GNAL: variants seen among roughly 807,000 people sequenced by gnomAD.
The protein encoded by GNAL is guanine nucleotide-binding protein G(olf) subunit alpha.
GNAL carries 18 observed loss-of-function variants against 55.1 expected under a neutral mutation model. The ratio of observed to expected loss-of-function variants is 0.33; its 90% CI spans 0.23 to 0.48. The LOEUF (loss-of-function observed/expected upper bound fraction) is 0.48. Among genes scored for constraint, GNAL ranks in the 20% least tolerant of loss-of-function variants. The probability of loss-of-function intolerance (pLI) is 0.99; values close to 1 mark genes in which losing one functional copy is unlikely to be tolerated. For synonymous variants in GNAL, 253 were observed against 237.0 expected, an observed-to-expected ratio of 1.07 and a Z score of -0.62; for missense variants, 412 against 614.1, an observed-to-expected ratio of 0.67 and a Z score of 3.48.
chr18:11,857,549 T>G, intron 5 of GNAL: 1 of 985,414 alleles, frequency 1.0e-6, no homozygotes, highest in South Asian at 4.7e-5. Context: ...TGAGAAATGA[T>G]GGTTCAGGCA....
At position 11,884,115 on chromosome 18, in the gene GNAL, A is replaced by G. The variant is rs2036829616; in HGVS notation, c.*2980A>G. On this transcript the variant is annotated 3_prime_UTR_variant, in exon 12 of 12. Transcript: ENST00000334049. ...ATAATCCCAAGTGTGTGCTGGGGCCACCAGGCCCTTCCTGGGGGAACAAGG... is the reference window on the plus strand; with the variant it reads ...ATAATCCCAAGTGTGTGCTGGGGCCGCCAGGCCCTTCCTGGGGGAACAAGG... 4.0e-6 allele frequency: 1 copy of G among 248,058 alleles called. No homozygotes were observed. The highest frequency in any genetic ancestry group is 7.9e-6 in the Non-Finnish European group (1 of 125,792). 15.4% of individuals were successfully genotyped at this position (248,058 alleles called of 1,614,324 possible).
intron 9 of GNAL, among the ~76,000 whole-genome samples, chr18:11,869,873 C>A (rs1181666664): frequency 1.3e-5 from 2 of 152,230 alleles, no homozygotes; most frequent in Admixed American, 1.3e-4. Flanking sequence ...TGCATCACTG[C>A]ACGTCAGTCT....
intron 6 of GNAL, among the ~76,000 whole-genome samples, chr18:11,863,353 CA>C (rs2036190560): frequency 6.6e-6 from 1 of 152,166 alleles, no homozygotes; most frequent in Non-Finnish European, 1.5e-5. Flanking sequence ...CCACACTCTC[CA>C]AACTTCCCCC....
At chr18:11,849,124 T>C (rs914626342) in intron 5 of GNAL, among the ~76,000 whole-genome samples, 3 of 152,244 alleles carry the variant, frequency 2.0e-5, no homozygotes, top group African/African-American at 7.2e-5. Flanking sequence ...ACTTTATTAA[T>C]GTTAGTTGTC....
intron 5 of GNAL, among the ~76,000 whole-genome samples, chr18:11,849,968 G>A (rs2035820851): frequency 6.6e-6 from 1 of 152,198 alleles, no homozygotes; most frequent in Admixed American, 6.5e-5. Context: ...CCCCTTGCCA[G>A]GCAATGTGCC....
chr18:11,811,737 C>CA (rs1378377269), intron 4 of GNAL, among the ~76,000 whole-genome samples: 1 of 152,036 alleles, frequency 6.6e-6, no homozygotes, highest in Non-Finnish European at 1.5e-5. Flanking sequence ...CTTGTTCCCC[C>CA]AAAAAAGGAA....
rs141896561 is a variant in GNAL, at chr18:11,849,954, C to T, written c.723-12441C>T. ...CACTGTAACAGGTGACCTATACACA[C>T]AGACCCCTTGCCAGGCAATGTGCCC... On this transcript the variant is annotated intron_variant, in intron 5 of 11. Transcript: ENST00000334049. Among the ~76,000 whole-genome samples, 505 of 152,338 alleles carry T rather than the reference C, an allele frequency of 3.3e-3. 1 individual carries two copies. Among genetic ancestry groups the T allele is most frequent in the Middle Eastern group, 0.01 (3 of 294 alleles).
At chr18:11,698,319 C>T (rs1471480753) in intron 1 of GNAL, among the ~76,000 whole-genome samples, 2 of 151,840 alleles carry the variant, frequency 1.3e-5, no homozygotes, top group African/African-American at 4.8e-5. Context: ...GGTAAAACCT[C>T]GCCTCTACTA....
chr18:11,854,721 A>C (rs952630488), intron 5 of GNAL, among the ~76,000 whole-genome samples: 2 of 152,028 alleles, frequency 1.3e-5, no homozygotes, highest in African/African-American at 2.4e-5. Flanking sequence ...GCGGAGGTTG[A>C]GGTGAGCCAA....
chr18:11,712,093 T>G (rs1318214016), intron 1 of GNAL, among the ~76,000 whole-genome samples: 1 of 152,250 alleles, frequency 6.6e-6, no homozygotes, highest in African/African-American at 2.4e-5. Flanking sequence ...TTTGCACCTT[T>G]TCCCAATCAG....
Position 11,872,418 on chromosome 18 carries a change from T to C in GNAL, c.1162+20T>C. On this transcript the variant is annotated intron_variant, in intron 10 of 11. Transcript: ENST00000334049. ...AAGACGGTAAGATTTCAAAACACATTCTTATGATTGAGGAATAGAATTGTT... is the reference window on the plus strand; with the variant it reads ...AAGACGGTAAGATTTCAAAACACATCCTTATGATTGAGGAATAGAATTGTT... 1 of 1,475,428 alleles carries C rather than the reference T, an allele frequency of 6.8e-7. No individual in the cohort carries two copies. The highest frequency in any genetic ancestry group is 1.2e-5 in the South Asian group (1 of 81,928). The allele number at this position is 1,475,428 out of a possible 1,614,324, so 91.4% of individuals were successfully genotyped here.
intron 4 of GNAL, among the ~76,000 whole-genome samples, chr18:11,822,512 G>A (rs2035125605): frequency 6.6e-6 from 1 of 152,212 alleles, no homozygotes; most frequent in Non-Finnish European, 1.5e-5. Flanking sequence ...GCTGAGGCAG[G>A]AGGATTGCTT....
At chr18:11,770,100 T>G in intron 4 of GNAL, among the ~76,000 whole-genome samples, 1 of 152,182 alleles carries the variant, frequency 6.6e-6, no homozygotes, top group Non-Finnish European at 1.5e-5. Context: ...AAAGCATTAT[T>G]AAATATTCAT....
chr18:11,861,217 CACCAACAGAGA>C (rs2036127212), intron 5 of GNAL, among the ~76,000 whole-genome samples: 1 of 152,180 alleles, frequency 6.6e-6, no homozygotes, highest in African/African-American at 2.4e-5. Flanking sequence ...TCAACGCCAG[CACCAACAGAGA>C]GCCTGGGCCC....
At chr18:11,776,707 CAAAAA>C (rs33937288) in intron 4 of GNAL, among the ~76,000 whole-genome samples, 6 of 71,646 alleles carry the variant, frequency 8.4e-5, no homozygotes, top group Admixed American at 1.7e-4. Context: ...GATCCTGCCT[CAAAAA>C]AAAAAAAAAA....
intron 1 of GNAL, among the ~76,000 whole-genome samples, chr18:11,693,297 G>T (rs2143285121): frequency 6.6e-6 from 1 of 152,274 alleles, no homozygotes; most frequent in South Asian, 2.1e-4. Context: ...ACATTTGAAA[G>T]TACTCTTTGA....
At chr18:11,843,973 CA>C (rs371335293) in intron 5 of GNAL, among the ~76,000 whole-genome samples, 2 of 147,962 alleles carry the variant, frequency 1.4e-5, no homozygotes, top group Non-Finnish European at 3.0e-5. Context: ...AACTCCATCT[CA>C]AAAAAAAACA....
At chr18:11,744,492 G>A (rs1018679943) in intron 1 of GNAL, among the ~76,000 whole-genome samples, 1 of 151,866 alleles carries the variant, frequency 6.6e-6, no homozygotes, top group Non-Finnish European at 1.5e-5. Flanking sequence ...ATCTACTCAG[G>A]TTATTTCCAC....
intron 4 of GNAL, among the ~76,000 whole-genome samples, chr18:11,809,049 G>C (rs1049410353): frequency 2.0e-5 from 3 of 152,220 alleles, no homozygotes; most frequent in Admixed American, 1.3e-4. Context: ...CCTGAGGTCA[G>C]GGGTTCAAGA....
Sources: gnomAD v4.1 joint callset for allele counts (sites outside exome capture counted in the v4.1 genomes callset) on GRCh38, gnomAD v4.1.1 for gene constraint, MANE v1.5 for transcripts, NCBI Gene and HGNC (gene_info 2026-07-23, HGNC 2026-07-21) for gene names.